Variants in NALCN observed in about 807,000 individuals in gnomAD.
NALCN encodes sodium leak channel, non-selective, also known as sodium leak channel NALCN.
Under a neutral mutation model 225.3 loss-of-function variants are expected in NALCN, and 111 were observed. The observed-to-expected ratio is 0.49, with a 90% confidence interval of 0.42 to 0.58. NALCN has a LOEUF of 0.58. Among genes scored for constraint, NALCN ranks in the 20% least tolerant of loss-of-function variants. The pLI is 0.00. For synonymous variants in NALCN, 764 were observed against 769.0 expected (o/e 0.99, Z 0.11); for missense variants, 1,378 against 2,202.4 (o/e 0.63, Z 7.49).
Position 101,104,104 on chromosome 13 carries a change from T to C in NALCN, c.2889+191A>G, listed in dbSNP as rs1371677786. 6.6e-6 allele frequency among the ~76,000 whole-genome samples: 1 copy of C among 152,256 alleles called. No homozygotes were observed. The highest frequency in any genetic ancestry group is 1.5e-5 in the Non-Finnish European group (1 of 68,050). On this transcript the variant is annotated intron_variant, in intron 25 of 43. Transcript: ENST00000251127. The surrounding 1 kb of genome is among the most constrained non-coding windows in gnomAD (Gnocchi z 4.2). ...CAATATAACTATCCATAGATATTTA[T>C]GATGCTCTTAATTTAGATTTTACAT...
At chr13:101,117,183 C>T (rs1049992291) in intron 18 of NALCN, among the ~76,000 whole-genome samples, 5 of 152,178 alleles carry the variant, frequency 3.3e-5, no homozygotes, top group African/African-American at 1.2e-4. Context: ...ACATGGGCGA[C>T]CAGAACTTCA....
rs746732781 is a variant in NALCN at position 101,121,969 on chromosome 13, A to T, written c.2192+2639T>A. The stretch of plus-strand genomic sequence containing the variant: ...AAATGTTTTCCTTTTTTTTTTTTTT[A>T]AAAAAAATTCTTTTTCTCCCTCTTT... On this transcript the variant is annotated intron_variant, in intron 18 of 43. Transcript: ENST00000251127. 3.8e-3 allele frequency among the ~76,000 whole-genome samples: 553 copies of T among 147,362 alleles called. 2 individuals are homozygous for T. The highest frequency in any genetic ancestry group is 4.7e-3 in the Non-Finnish European group (318 of 66,988).
intron 13 of NALCN, among the ~76,000 whole-genome samples, chr13:101,203,021 C>A (rs996337737): frequency 2.6e-5 from 4 of 152,300 alleles, no homozygotes; most frequent in African/African-American, 9.6e-5. Flanking sequence ...GTCCTGAGAC[C>A]AGCCTTTCTC....
At chr13:101,277,219 A>T (rs1303170852) in intron 10 of NALCN, among the ~76,000 whole-genome samples, 1 of 152,126 alleles carries the variant, frequency 6.6e-6, no homozygotes, top group South Asian at 2.1e-4. Flanking sequence ...AATTACTTAT[A>T]GTAACTGGAT....
At chr13:101,388,435 T>A (rs960144883) in intron 3 of NALCN, among the ~76,000 whole-genome samples, 8 of 105,290 alleles carry the variant, frequency 7.6e-5, no homozygotes, top group Non-Finnish European at 1.1e-4. Flanking sequence ...AAAAAAAAAA[T>A]TTTGGTTGTA....
rs17621578 is a variant in NALCN, at chr13:101,144,683, A to G, written c.1976+77T>C. 7,097 of 1,459,882 alleles carry G rather than the reference A, an allele frequency of 4.9e-3. 402 individuals carry two copies. The Admixed American group carries it at 0.1, about 21-fold the overall frequency. The allele number at this position is 1,459,882 out of a possible 1,614,324, so 90.4% of individuals were successfully genotyped here. ...AACCCAACCCACATATACTTAAAAG[A>G]AGGGTTAAATCAGATTTAAGATGAT... On this transcript the variant is annotated intron_variant, in intron 16 of 43. Transcript: ENST00000251127.
intron 1 of NALCN, among the ~76,000 whole-genome samples, chr13:101,413,161 G>A (rs1276182823): frequency 6.6e-6 from 1 of 152,070 alleles, no homozygotes. Flanking sequence ...ATTATAATCT[G>A]AATTCTTTAG....
chr13:101,414,180 T>C (rs1224081071), intron 1 of NALCN, among the ~76,000 whole-genome samples: 1 of 152,118 alleles, frequency 6.6e-6, no homozygotes, highest in African/African-American at 2.4e-5. Flanking sequence ...CCACCGTGTG[T>C]GGCCTTGGGG....
chr13:101,112,219 T>C (rs180780320), intron 18 of NALCN, among the ~76,000 whole-genome samples: 11 of 150,918 alleles, frequency 7.3e-5, no homozygotes, highest in African/African-American at 2.2e-4. Flanking sequence ...AAGCACACAG[T>C]TTTTGGAATT....
In NALCN at chr13:101,089,917, C is replaced by T. The variant is rs777691620; in HGVS notation, c.3319G>A (p.Ala1107Thr). ...TTCAAGGAGAGAACTTCAAACAACGCCAGCATAGCGTTTCCCACATTGTCG... is the reference window on the plus strand; with the variant it reads ...TTCAAGGAGAGAACTTCAAACAACGTCAGCATAGCGTTTCCCACATTGTCG... Reference protein sequence around the residue: ...NFDNVGNAMLALFEVLSLKGW... With the variant: ...NFDNVGNAMLTLFEVLSLKGW... Residue 1107 changes from alanine to threonine, a missense_variant, in exon 29 of 44, where the codon GCG becomes ACG. Coordinates refer to ENST00000251127, the MANE Select transcript of NALCN (RefSeq NM_052867.4). The surrounding 1 kb of genome is among the most constrained non-coding windows in gnomAD (Gnocchi z 4.7). 6.2e-7 allele frequency: 1 copy of T among 1,614,056 alleles called. No individual in the cohort carries two copies. The highest frequency in any genetic ancestry group is 1.1e-5 in the South Asian group (1 of 91,090).
chr13:101,258,807 T>C (rs536206720), intron 10 of NALCN, among the ~76,000 whole-genome samples: 2 of 152,334 alleles, frequency 1.3e-5, no homozygotes, highest in Non-Finnish European at 1.5e-5. Flanking sequence ...TGACTAAAAA[T>C]GGAAAACATA....
At chr13:101,232,859 T>G (rs958906717) in intron 12 of NALCN, among the ~76,000 whole-genome samples, 1 of 152,200 alleles carries the variant, frequency 6.6e-6, no homozygotes, top group Non-Finnish European at 1.5e-5. Context: ...GTATTAACAT[T>G]CGTATTAATT....
Position 101,233,715 on chromosome 13 carries a change from T to G in NALCN, c.1434+4040A>C, listed in dbSNP as rs187448932. Among the ~76,000 whole-genome samples the G allele has an allele frequency of 2.0e-4, 31 of 152,220 alleles. No individual in the cohort carries two copies. The East Asian group carries it at 5.6e-3, about 28-fold the overall frequency. On this transcript the variant is annotated intron_variant, in intron 12 of 43. Coordinates refer to ENST00000251127, the MANE Select transcript of NALCN (RefSeq NM_052867.4). ...TCAACAGATTTCTTGAGACCTCAAT[T>G]TACACATACAGTCCTTATCTTAGGG...
chr13:101,371,406 A>C (rs1407597618), intron 6 of NALCN, among the ~76,000 whole-genome samples: 1 of 152,018 alleles, frequency 6.6e-6, no homozygotes, highest in Non-Finnish European at 1.5e-5. Context: ...CTAGTCTCAA[A>C]CTCCTGGGCT....
intron 34 of NALCN, among the ~76,000 whole-genome samples, chr13:101,080,549 T>G (rs1258266443): frequency 8.8e-6 from 1 of 114,038 alleles, no homozygotes; most frequent in Non-Finnish European, 1.9e-5. Flanking sequence ...TAAATAATAA[T>G]TATACATAAA....
At position 101,302,975 on chromosome 13, in the gene NALCN, G is replaced by A. The variant is rs373653375; in HGVS notation, c.800-10609C>T. Among the ~76,000 whole-genome samples the A allele has an allele frequency of 1.8e-4, 28 of 152,038 alleles. 1 individual carries two copies. Among genetic ancestry groups the A allele is most frequent in the African/African-American group, 5.5e-4 (23 of 41,468 alleles). On this transcript the variant is annotated intron_variant, in intron 7 of 43. Transcript: ENST00000251127. ...CATTTTTCATGTATTAAGTTATGCT[G>A]CCAAGAAAGCTCTGTACTGTATATT... is the stretch of plus-strand genomic sequence containing the variant.
At chr13:101,195,911 A>G (rs1045412309) in intron 13 of NALCN, among the ~76,000 whole-genome samples, 6 of 152,160 alleles carry the variant, frequency 3.9e-5, no homozygotes, top group Admixed American at 3.9e-4. Flanking sequence ...CAAGTTTGAC[A>G]ATATTTACAT....
chr13:101,109,382 T>G (rs1382534237), intron 20 of NALCN, among the ~76,000 whole-genome samples: 1 of 152,198 alleles, frequency 6.6e-6, no homozygotes, highest in Non-Finnish European at 1.5e-5. Context: ...CATTGCCAAC[T>G]TCTCGCTCTT....
chr13:101,397,345 T>TTATAAAA (rs2047339010), intron 2 of NALCN, among the ~76,000 whole-genome samples: 1 of 150,194 alleles, frequency 6.7e-6, no homozygotes, highest in African/African-American at 2.4e-5. Context: ...TTATATAACA[T>TTATAAAA]TATAAAACAT....
Sources: allele counts gnomAD v4.1 joint callset (sites outside exome capture counted in the v4.1 genomes callset), GRCh38; gene constraint gnomAD v4.1.1; non-coding constraint Gnocchi (gnomAD v3.1); transcripts MANE v1.5; gene names NCBI Gene and HGNC (gene_info 2026-07-23, HGNC 2026-07-21).